Variants in RNF125 observed in about 807,000 individuals in gnomAD.
The protein encoded by RNF125 is ring finger protein 125.
Under a neutral mutation model 26.0 loss-of-function variants are expected in RNF125, and 21 were observed. The observed-to-expected ratio is 0.81, with a 90% CI of 0.57 to 1.16. The LOEUF is 1.16. Ranked by LOEUF, RNF125 falls within the 50% of genes most tolerant of loss-of-function variation. RNF125 has a pLI of 0.00. For synonymous variants in RNF125, 95 were observed against 109.2 expected, an observed-to-expected ratio of 0.87 and a Z score of 0.81; for missense variants, 270 against 299.4, an observed-to-expected ratio of 0.90 and a Z score of 0.72.
At chr18:32,030,873 T>C (rs1287022962) in intron 1 of RNF125, among the ~76,000 whole-genome samples, 1 of 152,140 alleles carries the variant, frequency 6.6e-6, no homozygotes, top group Non-Finnish European at 1.5e-5. Context: ...TATTTTATTA[T>C]TTTATTTTTT....
At chr18:32,027,040 G>A (rs887441192) in intron 1 of RNF125, among the ~76,000 whole-genome samples, 1 of 152,176 alleles carries the variant, frequency 6.6e-6, no homozygotes, top group Non-Finnish European at 1.5e-5. Flanking sequence ...GTACCCCAAA[G>A]GTTAAGAAGT....
At chr18:32,058,565 C>G (rs1434721316) in intron 4 of RNF125, among the ~76,000 whole-genome samples, 1 of 152,088 alleles carries the variant, frequency 6.6e-6, no homozygotes, top group Non-Finnish European at 1.5e-5. Flanking sequence ...AGGCTGGTCT[C>G]AAACTCCTGA....
Position 32,068,640 on chromosome 18 carries a change from G to C in RNF125, c.*256G>C. The C allele has an allele frequency of 2.9e-6, 1 of 346,938 alleles. No individual in the cohort carries two copies. The highest frequency in any genetic ancestry group is 4.2e-5 in the South Asian group (1 of 24,096). The allele number at this position is 346,938 out of a possible 1,614,324, so 21.5% of individuals were successfully genotyped here. Reference sequence around the variant, plus strand: ...ACATCAGTCATTGTTACATGGAAAAGACAGGTGGTAGGCAAGTAGGTGGAG... The same window carrying C: ...ACATCAGTCATTGTTACATGGAAAACACAGGTGGTAGGCAAGTAGGTGGAG... On this transcript the variant is annotated 3_prime_UTR_variant, in exon 6 of 6. Transcript: ENST00000217740.
At chr18:32,035,693 G>C (rs925902249) in intron 1 of RNF125, among the ~76,000 whole-genome samples, 6 of 152,170 alleles carry the variant, frequency 3.9e-5, no homozygotes, top group African/African-American at 1.4e-4. Flanking sequence ...TACAGAAACA[G>C]GCAAAACTGA....
At chr18:32,073,741 C>T (rs1360140071), downstream of RNF125, among the ~76,000 whole-genome samples, 1 of 152,164 alleles carries the variant, frequency 6.6e-6, no homozygotes. Flanking sequence ...GGACAGAACA[C>T]AAGTGTTACT....
intron 1 of RNF125, among the ~76,000 whole-genome samples, chr18:32,022,676 C>T (rs999657701): frequency 6.6e-6 from 1 of 152,126 alleles, no homozygotes; most frequent in Admixed American, 6.6e-5. Context: ...GATAGCAGCT[C>T]CTAGAAAGAA....
chr18:32,057,009 C>T (rs1166868266), intron 4 of RNF125, among the ~76,000 whole-genome samples: 1 of 152,166 alleles, frequency 6.6e-6, no homozygotes, highest in Non-Finnish European at 1.5e-5. Flanking sequence ...AATGTAGCCT[C>T]CCTCTCAAGG....
intron 1 of RNF125, among the ~76,000 whole-genome samples, chr18:32,021,976 C>A (rs1429271946): frequency 1.3e-5 from 2 of 152,176 alleles, no homozygotes; most frequent in South Asian, 2.1e-4. Context: ...TTTCCATATT[C>A]CTCCTTTTGG....
At chr18:32,067,316 T>C (rs1598828651) in intron 5 of RNF125, among the ~76,000 whole-genome samples, 1 of 152,224 alleles carries the variant, frequency 6.6e-6, no homozygotes, top group Non-Finnish European at 1.5e-5. Context: ...TCTATGGCTG[T>C]TCTGTCTAAT....
chr18:32,048,605 T>G (rs566270241), intron 4 of RNF125, among the ~76,000 whole-genome samples: 16 of 152,244 alleles, frequency 1.1e-4, no homozygotes, highest in Non-Finnish European at 2.4e-4. Flanking sequence ...AAAGACAGAA[T>G]TTGAATACAG....
chr18:32,076,532 G>A (rs1439109434), downstream of RNF125, among the ~76,000 whole-genome samples: 13 of 152,032 alleles, frequency 8.6e-5, no homozygotes, highest in South Asian at 2.5e-3. Flanking sequence ...GCCCAGGTTG[G>A]TCTCTTGGAC....
At chr18:32,088,792 G>A in the RNF125 span, among the ~76,000 whole-genome samples, 3 of 152,140 alleles carry the variant, frequency 2.0e-5, no homozygotes, top group African/African-American at 7.2e-5. Context: ...GATCCACCAC[G>A]CCTGGTCTTG....
At chr18:32,052,363 C>T (rs918214294) in intron 4 of RNF125, among the ~76,000 whole-genome samples, 2 of 151,530 alleles carry the variant, frequency 1.3e-5, no homozygotes, top group South Asian at 2.1e-4. Context: ...CACGGTGGCG[C>T]GCGTCTGTAG....
intron 4 of RNF125, among the ~76,000 whole-genome samples, chr18:32,062,887 T>C (rs1251356988): frequency 6.6e-6 from 1 of 152,154 alleles, no homozygotes; most frequent in East Asian, 1.9e-4. Flanking sequence ...CAACACATAC[T>C]TGGCACTCAG....
At chr18:32,025,485 G>C (rs914900854) in intron 1 of RNF125, among the ~76,000 whole-genome samples, 1 of 151,858 alleles carries the variant, frequency 6.6e-6, no homozygotes, top group Non-Finnish European at 1.5e-5. Flanking sequence ...CCAACATGGC[G>C]AAACCCCGTT....
At chr18:32,025,715 C>T (rs191911732) in intron 1 of RNF125, among the ~76,000 whole-genome samples, 164 of 146,100 alleles carry the variant, frequency 1.1e-3, no homozygotes, top group Non-Finnish European at 2.0e-3. Flanking sequence ...CAAAGAGGGG[C>T]GATTGGTGGC....
In RNF125 at chr18:32,018,981, T is replaced by C. The variant is rs778621716; in HGVS notation, c.118T>C (p.Cys40Arg). The part of the protein sequence containing the change: ...LPVTSFDCAV[C>R]LEVLHQPVRT... The stretch of plus-strand genomic sequence containing the variant: ...CGTCACGTCCTTCGACTGCGCCGTG[T>C]GCCTTGAGGTGTTACACCAGCCTGT... Residue 40 changes from cysteine to arginine, a missense_variant, in exon 1 of 6, where the codon TGC (cysteine) becomes CGC (arginine). Cys to Arg is a radical substitution (Grantham distance 180, BLOSUM62 -3). Coordinates refer to ENST00000217740, the MANE Select transcript of RNF125 (RefSeq NM_017831.4). 7 of 1,613,478 alleles carry C rather than the reference T, an allele frequency of 4.3e-6. No individual in the cohort carries two copies. The highest frequency in any genetic ancestry group is 1.1e-5 in the South Asian group (1 of 91,024).
At chr18:32,036,662 G>A (rs1357677677) in intron 1 of RNF125, among the ~76,000 whole-genome samples, 82 of 133,520 alleles carry the variant, frequency 6.1e-4, no homozygotes, top group African/African-American at 2.0e-3. Flanking sequence ...GGGGAGGGAG[G>A]AAGGGAGGGA....
chr18:32,029,465 A>G (rs1050443011), intron 1 of RNF125, among the ~76,000 whole-genome samples: 5 of 150,584 alleles, frequency 3.3e-5, no homozygotes, highest in Non-Finnish European at 7.4e-5. Context: ...CTGTACAGAA[A>G]AAAAAAAAAA....
Sources: gnomAD v4.1 joint callset for allele counts (sites outside exome capture counted in the v4.1 genomes callset) on GRCh38, gnomAD v4.1.1 for gene constraint, MANE v1.5 for transcripts, NCBI Gene and HGNC (gene_info 2026-07-23, HGNC 2026-07-21) for gene names.